The following ANGEL1 variants were observed in gnomAD, a reference collection of about 807,000 sequenced individuals.
ANGEL1 encodes the protein angel homolog 1.
A neutral mutation model predicts 76.4 loss-of-function variants in ANGEL1; 62 were observed. The observed-to-expected ratio is 0.81, with a 90% CI of 0.66 to 1.00. The LOEUF is 1.00. Ranked by LOEUF, ANGEL1 falls within the 50% of genes least tolerant of loss-of-function variation. The pLI is 0.00. For missense variants in ANGEL1, 737 were observed against 836.7 expected (o/e 0.88, Z 1.47); for synonymous variants, 340 against 331.7 (o/e 1.03, Z -0.27).
rs768590082 is a variant in ANGEL1, at chr14:76,790,689, T to C, written c.1774A>G (p.Thr592Ala). ...GTCATTCCAAGACCCAATGGCATTG[T>C]AGTGACCTCTGGGCGGCCACGCTGG... ...LPQRGRPEVT[T>A]MPLGLGMTVD... Residue 592 changes from threonine (T) to alanine (A), a missense_variant, in exon 9 of 10, where the codon ACA (threonine) becomes GCA (alanine). Physicochemically the swap from Thr to Ala is moderately conservative, Grantham distance 58 (BLOSUM62 0). Coordinates refer to ENST00000251089, the MANE Select transcript of ANGEL1 (RefSeq NM_015305.4). 1.9e-6 allele frequency: 3 copies of C among 1,614,014 alleles called. No individual in the cohort carries two copies. Among genetic ancestry groups the C allele is most frequent in the East Asian group, 4.5e-5 (2 of 44,894 alleles).
chr14:76,800,761 A>G (rs1393078392), intron 7 of ANGEL1, among the ~76,000 whole-genome samples: 1 of 152,218 alleles, frequency 6.6e-6, no homozygotes, highest in East Asian at 1.9e-4. Context: ...TCCTGAGGTC[A>G]GGAGTTTGAG....
At chr14:76,795,516 A>G (rs528463125) in intron 7 of ANGEL1, among the ~76,000 whole-genome samples, 1 of 152,194 alleles carries the variant, frequency 6.6e-6, no homozygotes, top group Non-Finnish European at 1.5e-5. Context: ...TACTTGTTTC[A>G]TAAAAATAAC....
chr14:76,795,215 G>A (rs1331966312), intron 7 of ANGEL1, among the ~76,000 whole-genome samples: 1 of 152,096 alleles, frequency 6.6e-6, no homozygotes. Context: ...GATGTTGAAT[G>A]TTAACAGATG....
Position 76,809,632 on chromosome 14 carries a change from T to C in ANGEL1, c.76A>G (p.Thr26Ala), listed in dbSNP as rs1320104193. The change falls in exon 2 of 10, where the codon ACA becomes GCA. Residue 26 changes from threonine (T) to alanine (A), a missense_variant. Thr to Ala is a moderately conservative substitution (Grantham distance 58). This residue lies in a region of ANGEL1 where 441 missense variants were observed against 449.5 expected (regional missense o/e 0.98). Coordinates refer to ENST00000251089, the MANE Select transcript of ANGEL1 (RefSeq NM_015305.4). ...LFRALSDAFFTCRKNVLLANS... is the reference protein window; with the variant it reads ...LFRALSDAFFACRKNVLLANS... ...GCCAGAAGGACATTTTTTCGACATGTGAAGAAAGCATCTAGGAGGAAAGCC... is the reference window on the plus strand; with the variant it reads ...GCCAGAAGGACATTTTTTCGACATGCGAAGAAAGCATCTAGGAGGAAAGCC... 3 of 1,612,780 alleles carry C rather than the reference T, an allele frequency of 1.9e-6. No homozygotes were observed. In the African/African-American group the frequency reaches 4.0e-5, roughly 22 times the overall value.
chr14:76,797,576 G>C (rs1353425857), intron 7 of ANGEL1, among the ~76,000 whole-genome samples: 1 of 152,042 alleles, frequency 6.6e-6, no homozygotes, highest in Non-Finnish European at 1.5e-5. Flanking sequence ...CTCCAGCCCG[G>C]GTGACAGAGT....
At chr14:76,812,336 C>T (rs997617619) in intron 1 of ANGEL1, 31 of 1,015,182 alleles carry the variant, frequency 3.1e-5, no homozygotes, top group Non-Finnish European at 3.6e-5. Context: ...AGTACTTCGG[C>T]CATAAACCTC....
intron 2 of ANGEL1, 53 bp downstream of exon 2, chr14:76,809,006 C>G: frequency 2.0e-6 from 3 of 1,523,186 alleles, no homozygotes; most frequent in Non-Finnish European, 2.7e-6. Context: ...TGGCTCTGCC[C>G]ACACCTGAGA....
At chr14:76,810,424 AAAAAG>A (rs1383345500) in intron 1 of ANGEL1, among the ~76,000 whole-genome samples, 12 of 151,970 alleles carry the variant, frequency 7.9e-5, no homozygotes, top group Admixed American at 2.0e-4. Flanking sequence ...TCTCAAAAAA[AAAAAG>A]AAAAGAAAAG....
intron 7 of ANGEL1, among the ~76,000 whole-genome samples, chr14:76,791,714 C>T (rs1894410868): frequency 6.6e-6 from 1 of 152,212 alleles, no homozygotes; most frequent in Non-Finnish European, 1.5e-5. Context: ...TCCTCTGCCA[C>T]TCAATTCCCC....
At position 76,806,449 on chromosome 14, in the gene ANGEL1, T is replaced by C. The variant is rs1894920315; in HGVS notation, c.1347A>G (p.Gly449=). The change falls in exon 5 of 10, where the codon GGA becomes GGG. Residue 449 remains glycine, a synonymous_variant. Coordinates refer to ENST00000251089, the MANE Select transcript of ANGEL1 (RefSeq NM_015305.4). ...CTGGCATCCCATGGTACTGGAGCTC[T>C]CCATCCCTGATGAAGTTGTAGAGAG... The part of the protein sequence containing the change: ...DSPLYNFIRD[G]ELQYHGMPAW... 6.2e-7 allele frequency: 1 copy of C among 1,613,906 alleles called. No individual in the cohort carries two copies. Among genetic ancestry groups the C allele is most frequent in the Non-Finnish European group, 8.5e-7 (1 of 1,179,990 alleles).
At chr14:76,805,524 A>G (rs568931232) in intron 5 of ANGEL1, among the ~76,000 whole-genome samples, 1 of 152,368 alleles carries the variant, frequency 6.6e-6, no homozygotes, top group South Asian at 2.1e-4. Context: ...GTTAGTCAAT[A>G]AATTGAAACA....
chr14:76,804,019 C>G (rs750066468), intron 5 of ANGEL1, 107 bp from the exon 6 acceptor site: 23 of 1,609,158 alleles, frequency 1.4e-5, no homozygotes, highest in Non-Finnish European at 2.0e-5. Context: ...CAATCACACA[C>G]TACGTACATG....
In ANGEL1 at chr14:76,791,348, G is replaced by A; in HGVS notation, c.1637C>T (p.Ala546Val). The change falls in exon 8 of 10, where the codon GCT (alanine) becomes GTT (valine). Residue 546 changes from alanine (A) to valine (V), a missense_variant. Coordinates refer to ENST00000251089, the MANE Select transcript of ANGEL1 (RefSeq NM_015305.4). Reference sequence around the variant, plus strand: ...TGCATCTTCCTCAAGGACAGACTCAGCCCAACCCGCAGGTCGCTCTGCAGA... The same window carrying A: ...TGCATCTTCCTCAAGGACAGACTCAACCCAACCCGCAGGTCGCTCTGCAGA... ...DTKPERPAGW[A>V]ESVLEEDASE... 6.2e-7 allele frequency: 1 copy of A among 1,614,088 alleles called. No homozygotes were observed. Among genetic ancestry groups the A allele is most frequent in the Non-Finnish European group, 8.5e-7 (1 of 1,179,982 alleles).
In ANGEL1 at chr14:76,812,844, C is replaced by T. The variant is rs1895135602; in HGVS notation, c.-17G>A. The T allele has an allele frequency of 2.7e-6, 4 of 1,505,480 alleles. No homozygotes were observed. The highest frequency in any genetic ancestry group is 2.1e-5 in the Admixed American group (1 of 48,370). The allele number at this position is 1,505,480 out of a possible 1,614,324, so 93.3% of individuals were successfully genotyped here. ...CGCGATCATGGCCGGCCGCCCGCGC[C>T]CGCCTCCGCTCCTCACTGCAGCCAG... On this transcript the variant is annotated 5_prime_UTR_variant, in exon 1 of 10. Transcript: ENST00000251089.
chr14:76,809,176 G>A lies in ANGEL1; in HGVS notation c.532C>T (p.Pro178Ser), dbSNP rs780683666. The change falls in exon 2 of 10, where the codon CCA becomes TCA. Residue 178 changes from proline to serine, a missense_variant. Coordinates refer to ENST00000251089, the MANE Select transcript of ANGEL1 (RefSeq NM_015305.4). The stretch of plus-strand genomic sequence containing the variant: ...GCTATGCTCCAGGCCAACACCGCTG[G>A]GTCCTCTTCCCACTGCTCTGTGGCC... ...ALATEQWEED[P>S]AVLAWSIAPE... The A allele has an allele frequency of 1.9e-6, 3 of 1,613,982 alleles. No homozygotes were observed. In the East Asian group the frequency reaches 6.7e-5, roughly 36 times the overall value.
At chr14:76,808,549 G>T (rs1048441270) in intron 2 of ANGEL1, among the ~76,000 whole-genome samples, 1 of 152,112 alleles carries the variant, frequency 6.6e-6, no homozygotes, top group Non-Finnish European at 1.5e-5. Flanking sequence ...ACCTGGAAGA[G>T]TCTGTGGGAC....
At position 76,803,644 on chromosome 14, in the gene ANGEL1, C is replaced by A. The variant is rs1400507512; in HGVS notation, c.1507+142G>T. 2.2e-6 allele frequency: 3 copies of A among 1,382,084 alleles called. No individual in the cohort carries two copies. In the African/African-American group the frequency reaches 4.4e-5, roughly 20 times the overall value. The allele number at this position is 1,382,084 out of a possible 1,614,324, so 85.6% of individuals were successfully genotyped here. On this transcript the variant is annotated intron_variant, in intron 6 of 9. Coordinates refer to ENST00000251089, the MANE Select transcript of ANGEL1 (RefSeq NM_015305.4). ...ATTTAAAGTTGTCCATTTCATTGGA[C>A]AGCCATTGGGAGGATAGTGAGAAAA...
In ANGEL1 at chr14:76,807,475, C is replaced by T. The variant is rs777634157; in HGVS notation, c.904G>A (p.Asp302Asn). ...DILCLQEVQE[D>N]HYWEQLEPSL... ...GGTTCCAGCTGCTCCCAGTAATGAT[C>T]TTCCTGGACTTCCTGGAGACACAGG... Residue 302 changes from aspartate to asparagine, a missense_variant, in exon 4 of 10, where the codon GAT (aspartate) becomes AAT (asparagine). Around this residue, in one of 2 missense-constraint regions of ANGEL1, gnomAD observed 441 missense variants for 449.5 expected, o/e 0.98. Transcript: ENST00000251089. 1.9e-6 allele frequency: 3 copies of T among 1,613,542 alleles called. No homozygotes were observed. In the Admixed American group the frequency reaches 5.0e-5, roughly 27 times the overall value.
At chr14:76,806,223 T>A (rs528310701) in intron 5 of ANGEL1, among the ~76,000 whole-genome samples, 193 bp downstream of exon 5, 1 of 152,144 alleles carries the variant, frequency 6.6e-6, no homozygotes, top group Non-Finnish European at 1.5e-5. Context: ...CTGAAAAAAA[T>A]TCCAATATGC....
Sources: allele counts gnomAD v4.1 joint callset (sites outside exome capture counted in the v4.1 genomes callset), GRCh38; gene constraint gnomAD v4.1.1; regional missense constraint gnomAD v4.1.1; transcripts MANE v1.5; gene names NCBI Gene and HGNC (gene_info 2026-07-23, HGNC 2026-07-21).